Variants in BLK observed in about 807,000 individuals in gnomAD.
The protein encoded by BLK is BLK proto-oncogene, Src family tyrosine kinase.
A neutral mutation model predicts 61.8 loss-of-function variants in BLK; 64 were observed. That is an observed-to-expected ratio of 1.03 (90% CI 0.85 to 1.27). BLK has a LOEUF of 1.27. BLK is among the 50% of genes most tolerant of loss of function. The pLI is 0.00. For missense variants in BLK, 853 were observed against 660.5 expected (o/e 1.29, Z -3.19); for synonymous variants, 351 against 272.0 (o/e 1.29, Z -2.86).
intron 1 of BLK, among the ~76,000 whole-genome samples, chr8:11,500,547 G>A (rs150329231): frequency 2.0e-5 from 3 of 149,554 alleles, no homozygotes; most frequent in Admixed American, 1.3e-4. Flanking sequence ...ATAGGGTCTC[G>A]CTCTGCCTCC....
intron 2 of BLK, 87 bp downstream of exon 2, chr8:11,543,434 AG>A: frequency 6.4e-7 from 1 of 1,559,848 alleles, no homozygotes; most frequent in Non-Finnish European, 8.7e-7. Context: ...GTATAGCAAA[AG>A]TGCCTTCCTG....
intron 10 of BLK, among the ~76,000 whole-genome samples, chr8:11,560,173 GGATGGATGCATGGATGGATGGA>G (rs1801432041): frequency 1.6e-5 from 1 of 61,876 alleles, no homozygotes; most frequent in Non-Finnish European, 3.3e-5. Context: ...GTGGGTGGAT[GGATGGATGCATGGATGGATGGA>G]TGGATGGATG....
chr8:11,501,974 A>G (rs1798578487), intron 1 of BLK, among the ~76,000 whole-genome samples: 1 of 152,272 alleles, frequency 6.6e-6, no homozygotes, highest in African/African-American at 2.4e-5. Context: ...TCCATGAAAC[A>G]AATCACTGCC....
At chr8:11,548,832 C>A (rs942161357) in intron 4 of BLK, among the ~76,000 whole-genome samples, 192 bp from the exon 5 acceptor site, 3 of 152,320 alleles carry the variant, frequency 2.0e-5, no homozygotes, top group Non-Finnish European at 4.4e-5. Context: ...TAAGCTCTTC[C>A]CCCTAGAACT....
chr8:11,548,670 G>T (rs1306839805), intron 4 of BLK, among the ~76,000 whole-genome samples: 1 of 152,144 alleles, frequency 6.6e-6, no homozygotes, highest in African/African-American at 2.4e-5. Context: ...GCTCACGAAG[G>T]TCCTGACTGC....
At position 11,498,754 on chromosome 8, in the gene BLK, T is replaced by C. The variant is rs549051175; in HGVS notation, c.-2+4163T>C. 6.6e-5 allele frequency among the ~76,000 whole-genome samples: 10 copies of C among 152,352 alleles called. No homozygotes were observed. In the East Asian group the frequency reaches 1.9e-3, roughly 29 times the overall value. On this transcript the variant is annotated intron_variant, in intron 1 of 12. Transcript: ENST00000259089. ...TTACCTGTCTCGGGTAGGTTAATTATATCCTCTCAGTCTTATTTCTTCATT... is the reference window on the plus strand; with the variant it reads ...TTACCTGTCTCGGGTAGGTTAATTACATCCTCTCAGTCTTATTTCTTCATT...
chr8:11,534,348 T>C (rs1246478396), intron 1 of BLK, among the ~76,000 whole-genome samples: 1 of 152,234 alleles, frequency 6.6e-6, no homozygotes, highest in Non-Finnish European at 1.5e-5. Context: ...TGCTAACATA[T>C]TTTAATAATC....
chr8:11,502,311 T>A (rs930111367), intron 1 of BLK, among the ~76,000 whole-genome samples: 1 of 152,088 alleles, frequency 6.6e-6, no homozygotes, highest in Non-Finnish European at 1.5e-5. Flanking sequence ...CTTTCTTTTT[T>A]ATTTTTCTTT....
chr8:11,553,989 C>G (rs1003103022), intron 6 of BLK: 1 of 152,986 alleles, frequency 6.5e-6, no homozygotes, highest in Non-Finnish European at 1.5e-5. Flanking sequence ...GGGAGCCCCC[C>G]AGCCTGCCGC....
intron 1 of BLK, among the ~76,000 whole-genome samples, chr8:11,495,671 C>G (rs1034878466): frequency 6.6e-6 from 1 of 152,196 alleles, no homozygotes; most frequent in African/African-American, 2.4e-5. Context: ...GGCAAAGCGT[C>G]ACAGATCAGA....
chr8:11,520,726 G>GT (rs1799417024), intron 1 of BLK, among the ~76,000 whole-genome samples: 4 of 151,826 alleles, frequency 2.6e-5, no homozygotes, highest in Admixed American at 6.6e-5. Flanking sequence ...AACAAGAAAA[G>GT]GTAATACAAC....
At chr8:11,527,135 C>A (rs111440203) in intron 1 of BLK, among the ~76,000 whole-genome samples, 1 of 152,054 alleles carries the variant, frequency 6.6e-6, no homozygotes, top group Non-Finnish European at 1.5e-5. Flanking sequence ...TTAATGTGGA[C>A]GTCTAGACAG....
chr8:11,501,744 A>C (rs1371203901), intron 1 of BLK, among the ~76,000 whole-genome samples: 1 of 152,254 alleles, frequency 6.6e-6, no homozygotes, highest in Non-Finnish European at 1.5e-5. Context: ...GCAGATGAGC[A>C]AGTGTGGTGT....
intron 5 of BLK, chr8:11,549,871 CA>C (rs1434701160): frequency 2.0e-5 from 9 of 439,890 alleles, no homozygotes; most frequent in South Asian, 6.2e-5. Context: ...AGAGAGTGAT[CA>C]GGGGCATTTT....
chr8:11,527,752 G>A (rs2264872), intron 1 of BLK, among the ~76,000 whole-genome samples: 5,326 of 150,602 alleles, frequency 0.035, 242 homozygotes, highest in African/African-American at 0.11. Flanking sequence ...TCCATTGGTT[G>A]CCAGAATGCA....
At chr8:11,518,164 G>A (rs1372585730) in intron 1 of BLK, among the ~76,000 whole-genome samples, 3 of 152,170 alleles carry the variant, frequency 2.0e-5, no homozygotes, top group East Asian at 1.9e-4. Context: ...CCCCAGGTGT[G>A]CCAGCAGCCT....
rs545407290 is a variant in BLK, at chr8:11,551,762, C to A, written c.472+1500C>A. Among the ~76,000 whole-genome samples, 110 of 152,284 alleles carry A rather than the reference C, an allele frequency of 7.2e-4. 4 individuals carry two copies. In the South Asian group the frequency reaches 0.022, roughly 30 times the overall value. On this transcript the variant is annotated intron_variant, in intron 6 of 12. Coordinates refer to ENST00000259089, the MANE Select transcript of BLK (RefSeq NM_001715.3). ...GTCCCTGGTGCTCACTGGCCACTAGCTTTTCGTCTGTAAGATACTAATCCA... is the reference window on the plus strand; with the variant it reads ...GTCCCTGGTGCTCACTGGCCACTAGATTTTCGTCTGTAAGATACTAATCCA...
chr8:11,511,547 A>G (rs1360070913), intron 1 of BLK, among the ~76,000 whole-genome samples: 1 of 152,178 alleles, frequency 6.6e-6, no homozygotes, highest in Non-Finnish European at 1.5e-5. Flanking sequence ...TCTGTCTTAA[A>G]TTTCCTTAAA....
intron 1 of BLK, among the ~76,000 whole-genome samples, chr8:11,511,255 G>C (rs541249347): frequency 5.1e-4 from 78 of 152,256 alleles, no homozygotes; most frequent in African/African-American, 1.8e-3. Context: ...AGAACACATG[G>C]ACACAGGAAG....
Sources: allele counts gnomAD v4.1 joint callset (sites outside exome capture counted in the v4.1 genomes callset), GRCh38; gene constraint gnomAD v4.1.1; transcripts MANE v1.5; gene names NCBI Gene and HGNC (gene_info 2026-07-23, HGNC 2026-07-21).